The following HHAT variants were observed in gnomAD, a reference collection of about 807,000 sequenced individuals.
HHAT encodes protein-cysteine N-palmitoyltransferase HHAT.
Under a neutral mutation model 70.8 loss-of-function variants are expected in HHAT, and 47 were observed. That is an observed-to-expected ratio of 0.66 (90% CI 0.53 to 0.85). The LOEUF (loss-of-function observed/expected upper bound fraction) is 0.85, where lower values mean the gene tolerates loss of function less well. Among genes scored for constraint, HHAT ranks in the 40% least tolerant of loss-of-function variants. The pLI is 0.00. For synonymous variants in HHAT, 228 were observed against 247.6 expected (o/e 0.92, Z 0.74); for missense variants, 609 against 604.8 (o/e 1.01, Z -0.07).
At chr1:210,395,269 C>G (rs1369853090) in intron 4 of HHAT, among the ~76,000 whole-genome samples, 1 of 152,188 alleles carries the variant, frequency 6.6e-6, no homozygotes, top group East Asian at 1.9e-4. Context: ...CAGGCATACC[C>G]TATTATCACT....
intron 7 of HHAT, among the ~76,000 whole-genome samples, chr1:210,419,636 A>G (rs1010531761): frequency 6.6e-6 from 1 of 152,230 alleles, no homozygotes; most frequent in African/African-American, 2.4e-5. Flanking sequence ...CTTCTTAAAC[A>G]AATCTTGATT....
intron 9 of HHAT, among the ~76,000 whole-genome samples, chr1:210,558,397 T>C (rs141245312): frequency 6.6e-6 from 1 of 152,294 alleles, no homozygotes; most frequent in East Asian, 1.9e-4. Flanking sequence ...TGTGCTTCTT[T>C]CTCTTGTTAC....
chr1:210,417,535 T>C (rs777542884), intron 6 of HHAT, among the ~76,000 whole-genome samples: 3 of 152,200 alleles, frequency 2.0e-5, no homozygotes, highest in Non-Finnish European at 4.4e-5. Flanking sequence ...ATGCCCCACC[T>C]TATTTTACAT....
At chr1:210,628,922 G>T (rs182310341) in intron 11 of HHAT, among the ~76,000 whole-genome samples, 501 of 152,308 alleles carry the variant, frequency 3.3e-3, no homozygotes, top group African/African-American at 0.011. Flanking sequence ...GCAGGTGTCG[G>T]TGTCTCAGAG....
intron 10 of HHAT, among the ~76,000 whole-genome samples, chr1:210,611,982 C>A (rs1436577001): frequency 3.9e-5 from 6 of 152,000 alleles, no homozygotes; most frequent in Admixed American, 1.3e-4. Flanking sequence ...TTTGTTGTAT[C>A]TCTGCCATGT....
At chr1:210,492,116 C>T (rs1176700592) in intron 8 of HHAT, among the ~76,000 whole-genome samples, 5 of 152,106 alleles carry the variant, frequency 3.3e-5, no homozygotes, top group African/African-American at 9.7e-5. Flanking sequence ...ATCACACACA[C>T]GTACCCACCT....
chr1:210,671,083 C>T (rs147995608), intron 11 of HHAT, among the ~76,000 whole-genome samples: 7 of 152,136 alleles, frequency 4.6e-5, no homozygotes, highest in South Asian at 2.1e-4. Context: ...CTGTGTGTTA[C>T]GCGGAAGCTT....
chr1:210,329,577 A>G (rs1455036670), intron 1 of HHAT: 4 of 694,336 alleles, frequency 5.8e-6, no homozygotes, highest in Non-Finnish European at 7.1e-6. Flanking sequence ...ATGCGGAAAA[A>G]CCCTCCCGCT....
intron 1 of HHAT, among the ~76,000 whole-genome samples, chr1:210,340,242 G>GGGTA (rs1553313987): frequency 1.0e-5 from 1 of 99,780 alleles, no homozygotes; most frequent in Admixed American, 1.3e-4. Flanking sequence ...CTCTGTCTCA[G>GGGTA]AAAAAAAAAA....
intron 10 of HHAT, among the ~76,000 whole-genome samples, chr1:210,609,368 T>C (rs966677555): frequency 6.6e-6 from 1 of 151,922 alleles, no homozygotes; most frequent in Non-Finnish European, 1.5e-5. Flanking sequence ...ATTTTATTTT[T>C]CCTTAAATAA....
intron 11 of HHAT, among the ~76,000 whole-genome samples, chr1:210,648,290 T>C (rs1354363758): frequency 6.6e-6 from 1 of 152,204 alleles, no homozygotes; most frequent in Admixed American, 6.5e-5. Flanking sequence ...CAATTTTGCA[T>C]GGAGAATCTG....
chr1:210,464,377 G>A (rs2094049974), intron 7 of HHAT, 128 bp from the exon 8 acceptor site: 1 of 850,812 alleles, frequency 1.2e-6, no homozygotes, highest in Admixed American at 2.2e-5. Context: ...TGTGAAATGT[G>A]CGAGTTGAAG....
At chr1:210,394,956 G>C (rs1409356869) in intron 4 of HHAT, among the ~76,000 whole-genome samples, 2 of 151,858 alleles carry the variant, frequency 1.3e-5, no homozygotes, top group Non-Finnish European at 2.9e-5. Flanking sequence ...CTGTGGGATG[G>C]GTGGGTTGTA....
chr1:210,604,008 C>A (rs921913059), intron 10 of HHAT, among the ~76,000 whole-genome samples: 2 of 152,150 alleles, frequency 1.3e-5, no homozygotes, highest in Non-Finnish European at 2.9e-5. Flanking sequence ...GGGTGGGAAG[C>A]AAGGGTATAA....
intron 1 of HHAT, among the ~76,000 whole-genome samples, chr1:210,347,680 A>G (rs2086642936): frequency 6.6e-6 from 1 of 152,206 alleles, no homozygotes; most frequent in Non-Finnish European, 1.5e-5. Context: ...GGAGAGGCTT[A>G]AACAACCTAG....
At chr1:210,496,290 A>G (rs1210210602) in intron 8 of HHAT, among the ~76,000 whole-genome samples, 2 of 152,164 alleles carry the variant, frequency 1.3e-5, no homozygotes, top group Non-Finnish European at 2.9e-5. Flanking sequence ...GTCTCACCAC[A>G]TAGGCCTTTC....
intron 9 of HHAT, among the ~76,000 whole-genome samples, chr1:210,523,499 C>T (rs1573015859): frequency 6.6e-6 from 1 of 152,176 alleles, no homozygotes; most frequent in Non-Finnish European, 1.5e-5. Context: ...GGGGATTGGG[C>T]TAAGTGGATT....
intron 9 of HHAT, among the ~76,000 whole-genome samples, chr1:210,574,348 G>C (rs1657127262): frequency 6.6e-6 from 1 of 152,216 alleles, no homozygotes; most frequent in South Asian, 2.1e-4. Context: ...TGAAGTTAAT[G>C]ACTGGGGTGG....
rs1038081013 is a variant in HHAT, at chr1:210,453,530, C to G, written c.857-10975C>G. On this transcript the variant is annotated intron_variant, in intron 7 of 11. Coordinates refer to ENST00000261458, the MANE Select transcript of HHAT (RefSeq NM_018194.6). Reference sequence around the variant, plus strand: ...CCCCTATTCCGTGCCTTCCCTTTCCCCCTTTCTCTCCTTCCCCCATAGTCC... The same window carrying G: ...CCCCTATTCCGTGCCTTCCCTTTCCGCCTTTCTCTCCTTCCCCCATAGTCC... Among the ~76,000 whole-genome samples the G allele has an allele frequency of 7.2e-5, 11 of 152,054 alleles. 1 individual carries two copies. Among genetic ancestry groups the G allele is most frequent in the Non-Finnish European group, 1.3e-4 (9 of 68,008 alleles).
Sources: allele counts gnomAD v4.1 joint callset (sites outside exome capture counted in the v4.1 genomes callset), GRCh38; gene constraint gnomAD v4.1.1; transcripts MANE v1.5; gene names NCBI Gene and HGNC (gene_info 2026-07-23, HGNC 2026-07-21).